The following DIAPH2 variants were observed in gnomAD, a reference collection of about 807,000 sequenced individuals.
DIAPH2 encodes the protein protein diaphanous homolog 2.
In DIAPH2, 35 loss-of-function variants were observed where a neutral mutation model predicts 92.7. The ratio of observed to expected loss-of-function variants is 0.38; its 90% CI spans 0.29 to 0.50. The LOEUF (loss-of-function observed/expected upper bound fraction) is 0.50, where lower values mean the gene tolerates loss of function less well. Ranked by LOEUF, DIAPH2 falls within the 20% of genes least tolerant of loss-of-function variation. The pLI, the probability that DIAPH2 is intolerant of heterozygous loss-of-function variation, is 0.94. For missense variants in DIAPH2, 701 were observed against 819.5 expected (o/e 0.86, Z 1.77); for synonymous variants, 301 against 280.4 (o/e 1.07, Z -0.73).
intron 4 of DIAPH2, among the ~76,000 whole-genome samples, chrX:96,855,567 TA>T (rs749094217): frequency 4.8e-4 from 52 of 108,670 alleles, no homozygotes; most frequent in African/African-American, 1.6e-3. Flanking sequence ...TAAATATAGA[TA>T]TAGATATAAA....
At chrX:97,567,217 A>C (rs1277220387) in intron 26 of DIAPH2, among the ~76,000 whole-genome samples, 1 of 111,506 alleles carries the variant, frequency 9.0e-6, no homozygotes, top group Non-Finnish European at 1.9e-5. Context: ...TTTTTTGATC[A>C]CTGTTTATTA....
intron 1 of DIAPH2, among the ~76,000 whole-genome samples, chrX:96,701,198 T>G (rs6620135): frequency 0.1 from 11,273 of 111,431 alleles, 534 homozygotes; most frequent in East Asian, 0.32. Context: ...ACAATTGTCC[T>G]TATTATAAAT....
intron 22 of DIAPH2, among the ~76,000 whole-genome samples, chrX:97,213,259 G>A (rs1269025926): frequency 9.0e-6 from 1 of 111,724 alleles, no homozygotes; most frequent in Non-Finnish European, 1.9e-5. Context: ...TCTGACTTCA[G>A]TTGAAAACAT....
At chrX:97,209,570 GATCA>G (rs1415424291) in intron 22 of DIAPH2, among the ~76,000 whole-genome samples, 1 of 111,004 alleles carries the variant, frequency 9.0e-6, no homozygotes, top group Non-Finnish European at 1.9e-5. Flanking sequence ...TATTGATTAA[GATCA>G]AATTTTAACC....
At chrX:96,774,993 C>T (rs771976687) in intron 4 of DIAPH2, among the ~76,000 whole-genome samples, 1 of 112,313 alleles carries the variant, frequency 8.9e-6, no homozygotes, top group East Asian at 2.8e-4. Flanking sequence ...TATAATGCTT[C>T]TCAAAACAGA....
intron 4 of DIAPH2, among the ~76,000 whole-genome samples, chrX:96,776,675 A>C (rs2064379877): frequency 9.1e-6 from 1 of 109,992 alleles, no homozygotes; most frequent in African/African-American, 3.3e-5. Flanking sequence ...GTACTTTGAG[A>C]TTTGTGGTAG....
intron 19 of DIAPH2, among the ~76,000 whole-genome samples, chrX:97,088,815 A>G (rs940591139): frequency 4.5e-5 from 5 of 112,176 alleles, no homozygotes; most frequent in African/African-American, 1.3e-4. Context: ...TTCGTTCTAA[A>G]TATTTCTGTC....
chrX:97,495,885 T>A (rs1268255879), intron 26 of DIAPH2, among the ~76,000 whole-genome samples: 4 of 111,328 alleles, frequency 3.6e-5, no homozygotes, highest in Admixed American at 9.6e-5. Flanking sequence ...TTCTGGAGAG[T>A]TTTACTTTGA....
At chrX:97,549,355 A>C (rs2071203594) in intron 26 of DIAPH2, among the ~76,000 whole-genome samples, 1 of 111,846 alleles carries the variant, frequency 8.9e-6, no homozygotes, top group African/African-American at 3.2e-5. Flanking sequence ...ATATTGAAAT[A>C]ATTTTAGACC....
rs141085317 is a variant in DIAPH2 at position 97,481,411 on chromosome X, A to G, written c.3241+51666A>G. On this transcript the variant is annotated intron_variant, in intron 26 of 26. Transcript: ENST00000324765. ...AAGAGGAAACATCAGGCCTAAGGGC[A>G]TTCCAGCTAAACTGACTTGACAGGA... 2.9e-4 allele frequency among the ~76,000 whole-genome samples: 32 copies of G among 111,751 alleles called. No homozygotes were observed. In the East Asian group the frequency reaches 9.1e-3, roughly 32 times the overall value.
intron 4 of DIAPH2, among the ~76,000 whole-genome samples, chrX:96,810,840 G>A (rs1266677889): frequency 9.0e-6 from 1 of 111,489 alleles, no homozygotes; most frequent in East Asian, 2.8e-4. Context: ...GATGTGTGGT[G>A]TTATTTCTGA....
At chrX:97,260,891 G>A (rs1278061454) in intron 23 of DIAPH2, among the ~76,000 whole-genome samples, 1 of 111,600 alleles carries the variant, frequency 9.0e-6, no homozygotes, top group African/African-American at 3.3e-5. Flanking sequence ...TAACTACAGT[G>A]GTTTCCTCTT....
At chrX:96,810,345 A>G (rs1015729685) in intron 4 of DIAPH2, among the ~76,000 whole-genome samples, 1 of 110,966 alleles carries the variant, frequency 9.0e-6, no homozygotes. Flanking sequence ...CATATCTTTC[A>G]CCCACTTTTT....
At chrX:97,386,159 T>A (rs1206761281) in intron 25 of DIAPH2, among the ~76,000 whole-genome samples, 1 of 111,828 alleles carries the variant, frequency 8.9e-6, no homozygotes, top group East Asian at 2.8e-4. Context: ...AGGAAACAAA[T>A]ATAACATTTT....
intron 17 of DIAPH2, among the ~76,000 whole-genome samples, chrX:97,047,906 T>C (rs1007240024): frequency 9.1e-5 from 10 of 110,427 alleles, no homozygotes; most frequent in African/African-American, 2.6e-4. Context: ...TTCTAAGCTA[T>C]TGGTGATGGT....
chrX:97,269,014 G>A (rs751010611), intron 23 of DIAPH2, among the ~76,000 whole-genome samples: 7 of 109,218 alleles, frequency 6.4e-5, no homozygotes, highest in African/African-American at 1.3e-4. Context: ...TCACCACCAC[G>A]CCCGGCTAAT....
At chrX:96,751,080 T>C (rs988031224) in intron 3 of DIAPH2, among the ~76,000 whole-genome samples, 1 of 112,175 alleles carries the variant, frequency 8.9e-6, no homozygotes, top group Admixed American at 9.5e-5. Flanking sequence ...AATTGAAGAA[T>C]GAATGAATGA....
intron 26 of DIAPH2, among the ~76,000 whole-genome samples, chrX:97,589,029 A>C (rs1346960435): frequency 1.1e-5 from 1 of 88,297 alleles, no homozygotes; most frequent in African/African-American, 3.8e-5. Context: ...ATATATATAA[A>C]AGAATCAGAT....
intron 21 of DIAPH2, among the ~76,000 whole-genome samples, chrX:97,135,783 T>C (rs1284470671): frequency 1.8e-5 from 2 of 111,527 alleles, no homozygotes; most frequent in Non-Finnish European, 3.8e-5. Context: ...ATTTTAGGAT[T>C]TAAAAAAAAG....
Sources: allele counts gnomAD v4.1 joint callset (sites outside exome capture counted in the v4.1 genomes callset), GRCh38; gene constraint gnomAD v4.1.1; transcripts MANE v1.5; gene names NCBI Gene and HGNC (gene_info 2026-07-23, HGNC 2026-07-21).